Variants in ANKS1B observed in about 807,000 individuals in gnomAD.
ANKS1B encodes the protein ankyrin repeat and sterile alpha motif domain containing 1B, also known as ankyrin repeat and sterile alpha motif domain-containing protein 1B.
In ANKS1B, 36 loss-of-function variants were observed where a neutral mutation model predicts 148.3. That is an observed-to-expected ratio of 0.24 (90% CI 0.19 to 0.32). The LOEUF (loss-of-function observed/expected upper bound fraction) is 0.32, where lower values mean the gene tolerates loss of function less well. Among genes scored for constraint, ANKS1B ranks in the 10% least tolerant of loss-of-function variants. The pLI is 1.00. For synonymous variants in ANKS1B, 542 were observed against 560.8 expected (o/e 0.97, Z 0.47); for missense variants, 1,157 against 1,542.6 (o/e 0.75, Z 4.19).
rs1321051530 is a variant in ANKS1B, at chr12:98,898,697, T to C, written c.2779-66561A>G. On this transcript the variant is annotated intron_variant, in intron 17 of 26. Transcript: ENST00000683438. ...TATGTCATTTGAAAAACAGATAATA[T>C]ATAGTCTGATGTAATATGTAGCTCA... Among the ~76,000 whole-genome samples, 5 of 152,208 alleles carry C rather than the reference T, an allele frequency of 3.3e-5. No individual in the cohort carries two copies. The South Asian group carries it at 6.2e-4, about 19-fold the overall frequency.
At chr12:99,560,671 C>A (rs2097324235) in intron 9 of ANKS1B, among the ~76,000 whole-genome samples, 1 of 151,910 alleles carries the variant, frequency 6.6e-6, no homozygotes, top group South Asian at 2.1e-4. Flanking sequence ...AATGTACATA[C>A]CTTAATTTAA....
intron 14 of ANKS1B, among the ~76,000 whole-genome samples, chr12:99,232,412 T>A (rs1368663547): frequency 5.9e-5 from 9 of 152,218 alleles, no homozygotes; most frequent in Non-Finnish European, 1.2e-4. Context: ...AACAAGATTA[T>A]TAAAACTGGT....
chr12:98,894,542 C>G (rs940257521), intron 17 of ANKS1B: 17 of 981,854 alleles, frequency 1.7e-5, no homozygotes, highest in Non-Finnish European at 2.1e-5. Flanking sequence ...CTTCCTCCGC[C>G]TCTGCCCCGG....
At chr12:99,426,116 GAAGAT>G (rs1369190341) in intron 11 of ANKS1B, among the ~76,000 whole-genome samples, 15 of 152,106 alleles carry the variant, frequency 9.9e-5, no homozygotes, top group Admixed American at 8.5e-4. Context: ...GTAAAGATGA[GAAGAT>G]AAGAAAATGT....
At chr12:98,891,240 A>G (rs1172662542) in intron 17 of ANKS1B, among the ~76,000 whole-genome samples, 1 of 152,228 alleles carries the variant, frequency 6.6e-6, no homozygotes, top group Non-Finnish European at 1.5e-5. Flanking sequence ...CTATTTCCAT[A>G]TGAGAAAACC....
chr12:98,887,413 T>C (rs2099742567), intron 17 of ANKS1B, among the ~76,000 whole-genome samples: 1 of 152,194 alleles, frequency 6.6e-6, no homozygotes, highest in Non-Finnish European at 1.5e-5. Flanking sequence ...ATACTCCATT[T>C]TCTTAAAGAG....
chr12:98,772,872 C>T (rs531529216), intron 25 of ANKS1B, 170 bp downstream of exon 25: 64 of 657,596 alleles, frequency 9.7e-5, no homozygotes, highest in African/African-American at 1.3e-4. Flanking sequence ...TTAAGCCTCT[C>T]GGTCTGTGGT....
intron 24 of ANKS1B, among the ~76,000 whole-genome samples, chr12:98,774,605 G>A (rs749260391): frequency 3.9e-5 from 6 of 152,034 alleles, no homozygotes; most frequent in Admixed American, 1.3e-4. Flanking sequence ...TAAAACCCTC[G>A]ATGCTTTAGT....
chr12:99,665,506 G>A (rs553663715), intron 8 of ANKS1B, among the ~76,000 whole-genome samples: 41 of 150,310 alleles, frequency 2.7e-4, no homozygotes, highest in Admixed American at 7.3e-4. Context: ...TTTTTTAGAC[G>A]GAGTATCACT....
intron 17 of ANKS1B, among the ~76,000 whole-genome samples, chr12:98,938,297 C>T (rs1250795659): frequency 6.6e-6 from 1 of 152,160 alleles, no homozygotes; most frequent in Non-Finnish European, 1.5e-5. Context: ...AGTGGAATAT[C>T]TTTATTAAAA....
chr12:99,233,208 T>C (rs894961444), intron 14 of ANKS1B, among the ~76,000 whole-genome samples: 1 of 152,066 alleles, frequency 6.6e-6, no homozygotes, highest in African/African-American at 2.4e-5. Context: ...CAAAAATAAT[T>C]GAAATCTGAA....
intron 8 of ANKS1B, among the ~76,000 whole-genome samples, chr12:99,658,818 C>T (rs968947732): frequency 6.6e-6 from 1 of 151,972 alleles, no homozygotes; most frequent in Non-Finnish European, 1.5e-5. Context: ...GAGTTGTGTA[C>T]ACACACACAG....
At chr12:99,647,023 T>C (rs1049170710) in intron 9 of ANKS1B, among the ~76,000 whole-genome samples, 5 of 151,940 alleles carry the variant, frequency 3.3e-5, no homozygotes, top group Middle Eastern at 3.2e-3. Context: ...AAAATAGTTA[T>C]TTCCCCTGGT....
At chr12:99,166,410 T>C (rs565892520) in intron 14 of ANKS1B, among the ~76,000 whole-genome samples, 5 of 151,952 alleles carry the variant, frequency 3.3e-5, no homozygotes, top group South Asian at 2.1e-4. Context: ...CAAGAAATAA[T>C]AAGTGAGTTT....
At chr12:99,118,531 T>A (rs2061953496) in intron 15 of ANKS1B, among the ~76,000 whole-genome samples, 1 of 152,180 alleles carries the variant, frequency 6.6e-6, no homozygotes, top group African/African-American at 2.4e-5. Flanking sequence ...TCAAACCTTT[T>A]CACTTTCATA....
intron 1 of ANKS1B, among the ~76,000 whole-genome samples, chr12:99,895,256 A>G (rs1242081593): frequency 1.3e-5 from 2 of 150,820 alleles, no homozygotes; most frequent in Non-Finnish European, 3.0e-5. Flanking sequence ...TTTTGTCATC[A>G]GACTGAAATA....
chr12:99,134,911 C>T (rs947858392), intron 15 of ANKS1B, among the ~76,000 whole-genome samples: 14 of 152,096 alleles, frequency 9.2e-5, no homozygotes, highest in Admixed American at 9.2e-4. Flanking sequence ...TTTTCCATTG[C>T]CTCTTCCTGA....
At chr12:99,652,311 A>G (rs1567568889) in intron 9 of ANKS1B, among the ~76,000 whole-genome samples, 1 of 152,020 alleles carries the variant, frequency 6.6e-6, no homozygotes, top group Non-Finnish European at 1.5e-5. Context: ...CGTCTCTACT[A>G]AAAACACAAA....
chr12:99,099,137 GC>G, intron 15 of ANKS1B, among the ~76,000 whole-genome samples: 1 of 152,194 alleles, frequency 6.6e-6, no homozygotes, highest in African/African-American at 2.4e-5. Flanking sequence ...GAGTCTGGGT[GC>G]CGGCAGAGGG....
Sources: gnomAD v4.1 joint callset for allele counts (sites outside exome capture counted in the v4.1 genomes callset) on GRCh38, gnomAD v4.1.1 for gene constraint, MANE v1.5 for transcripts, NCBI Gene and HGNC (gene_info 2026-07-23, HGNC 2026-07-21) for gene names.